The following F3 variants were observed in gnomAD, a reference collection of about 807,000 sequenced individuals.
F3 encodes coagulation factor III, tissue factor, also known as tissue factor.
A neutral mutation model predicts 33.5 loss-of-function variants in F3; 18 were observed. The observed-to-expected ratio is 0.54, with a 90% CI of 0.37 to 0.80. F3 has a LOEUF of 0.80. F3 is among the 30% of genes least tolerant of loss of function. The pLI is 0.00. For missense variants in F3, 353 were observed against 362.1 expected, an observed-to-expected ratio of 0.97 and a Z score of 0.20; for synonymous variants, 147 against 140.7, an observed-to-expected ratio of 1.05 and a Z score of -0.32.
intron 1 of F3, chr1:94,541,110 T>C (rs929739504): frequency 6.3e-6 from 1 of 159,174 alleles, no homozygotes; most frequent in African/African-American, 2.4e-5. Flanking sequence ...CGCTCTTTAT[T>C]AAGGGAAGAT....
chr1:94,532,222 A>G (rs1158247061), intron 5 of F3, 99 bp downstream of exon 5: 1 of 1,186,750 alleles, frequency 8.4e-7, no homozygotes, highest in Non-Finnish European at 1.2e-6. Context: ...TGAATATTTA[A>G]CCAAGGAAGT....
rs1651385097 is a variant in F3 at position 94,530,468 on chromosome 1, C to T, written c.880G>A (p.Val294Ile). Reference sequence around the variant, plus strand: ...CTCCAACAGTGCTTCCTTTATGAAACATTCAGTGGGGAGTTCTCCTTCCAG... The same window carrying T: ...CTCCAACAGTGCTTCCTTTATGAAATATTCAGTGGGGAGTTCTCCTTCCAG... ...QSWKENSPLNVS is the reference protein window; with the variant it reads ...QSWKENSPLNIS The change falls in exon 6 of 6, where the codon GTT becomes ATT. Residue 294 changes from valine to isoleucine, a missense_variant. By Grantham distance (29) the Val-to-Ile change is conservative. Transcript: ENST00000334047. 2 of 1,614,136 alleles carry T rather than the reference C, an allele frequency of 1.2e-6. No homozygotes were observed. The highest frequency in any genetic ancestry group is 8.5e-7 in the Non-Finnish European group (1 of 1,180,044).
intron 2 of F3, among the ~76,000 whole-genome samples, chr1:94,538,232 A>T (rs906855295): frequency 6.6e-6 from 1 of 152,252 alleles, no homozygotes; most frequent in Non-Finnish European, 1.5e-5. Context: ...TGTTTTCCAG[A>T]AGCTTTGTAA....
intron 2 of F3, among the ~76,000 whole-genome samples, chr1:94,538,321 C>T (rs1651671757): frequency 1.3e-5 from 2 of 152,378 alleles, no homozygotes; most frequent in Non-Finnish European, 2.9e-5. Context: ...AAGCCAATAA[C>T]ATTTCCCAAC....
chr1:94,529,766 T>C lies in F3; in HGVS notation c.*694A>G, dbSNP rs1651359428. On this transcript the variant is annotated 3_prime_UTR_variant, in exon 6 of 6. Coordinates refer to ENST00000334047, the MANE Select transcript of F3 (RefSeq NM_001993.5). ...TTCCATTTTACTTTCCTACATGGAT[T>C]GAAGTCAGCCCCTCAAAAGCTTTTC... 2 of 152,160 alleles carry C rather than the reference T, an allele frequency of 1.3e-5. No individual in the cohort carries two copies. The highest frequency in any genetic ancestry group is 4.8e-5 in the African/African-American group (2 of 41,436). The allele number at this position is 152,160 out of a possible 1,614,324, so 9.4% of individuals were successfully genotyped here.
At chr1:94,533,412 C>T (rs950593815) in intron 3 of F3, 144 bp from the exon 4 acceptor site, 11 of 927,314 alleles carry the variant, frequency 1.2e-5, no homozygotes, top group Middle Eastern at 2.2e-4. Context: ...GCAGGCGTGG[C>T]GGCCTGGAGC....
Position 94,530,379 on chromosome 1 carries a change from C to T in F3, c.*81G>A, listed in dbSNP as rs1194992627. 34 of 1,556,640 alleles carry T rather than the reference C, an allele frequency of 2.2e-5. No individual in the cohort carries two copies. Among genetic ancestry groups the T allele is most frequent in the Non-Finnish European group, 2.8e-5 (32 of 1,143,868 alleles). On this transcript the variant is annotated 3_prime_UTR_variant, in exon 6 of 6. Transcript: ENST00000334047. ...CTTCATGCTCCGAAATACTCATTTG[C>T]GTTTCCATGTATTCTATCCTCTTAA...
At chr1:94,534,653 T>C (rs1651544661) in intron 3 of F3, among the ~76,000 whole-genome samples, 1 of 152,140 alleles carries the variant, frequency 6.6e-6, no homozygotes, top group African/African-American at 2.4e-5. Flanking sequence ...GAAATGTCCT[T>C]GGTACCTCGA....
Position 94,530,501 on chromosome 1 carries a change from C to G in F3, c.847G>C (p.Gly283Arg). The G allele has an allele frequency of 6.2e-7, 1 of 1,613,940 alleles. No homozygotes were observed. The highest frequency in any genetic ancestry group is 2.2e-5 in the East Asian group (1 of 44,882). Residue 283 changes from glycine to arginine, a missense_variant, in exon 6 of 6, where the codon GGG becomes CGG. Physicochemically the swap from Gly to Arg is moderately radical, Grantham distance 125. Coordinates refer to ENST00000334047, the MANE Select transcript of F3 (RefSeq NM_001993.5). ...GGGGAGTTCTCCTTCCAGCTCTGCCCCACTCCTGCCTTTCTACACTTGTGT... is the reference window on the plus strand; with the variant it reads ...GGGGAGTTCTCCTTCCAGCTCTGCCGCACTCCTGCCTTTCTACACTTGTGT... The part of the protein sequence containing the change: ...SLHKCRKAGV[G>R]QSWKENSPLN...
chr1:94,533,596 G>T (rs1651499430), intron 3 of F3, among the ~76,000 whole-genome samples: 1 of 152,118 alleles, frequency 6.6e-6, no homozygotes, highest in Non-Finnish European at 1.5e-5. Context: ...AACAACATGG[G>T]TTTGAACTCT....
chr1:94,538,348 T>C (rs898708549), intron 2 of F3, among the ~76,000 whole-genome samples: 5 of 152,236 alleles, frequency 3.3e-5, no homozygotes, highest in South Asian at 2.1e-4. Flanking sequence ...TGAAAACTGT[T>C]AGCAAAGGTG....
In F3 at chr1:94,533,230, C is replaced by T. The variant is rs772476024; in HGVS notation, c.451G>A (p.Val151Met). The T allele has an allele frequency of 1.9e-6, 3 of 1,613,416 alleles. No homozygotes were observed. The South Asian group carries it at 3.3e-5, about 18-fold the overall frequency. Residue 151 changes from valine (V) to methionine (M), a missense_variant, in exon 4 of 6, where the codon GTG becomes ATG. Val to Met is a conservative substitution (Grantham distance 21). Transcript: ENST00000334047. ...ACGGTCACATTCACTTTTGTTCCCA[C>T]CTGTTCAAAACTCTGAATTGTTGGC... Reference protein sequence around the residue: ...GQPTIQSFEQVGTKVNVTVED... With the variant: ...GQPTIQSFEQMGTKVNVTVED...
intron 5 of F3, among the ~76,000 whole-genome samples, chr1:94,531,550 T>C (rs1651426743): frequency 6.6e-6 from 1 of 152,138 alleles, no homozygotes; most frequent in African/African-American, 2.4e-5. Flanking sequence ...GATTTGCCTG[T>C]CTGGGCCTCC....
chr1:94,532,563 C>A, intron 4 of F3, 83 bp from the exon 5 acceptor site: 2 of 1,494,046 alleles, frequency 1.3e-6, no homozygotes, highest in Non-Finnish European at 9.1e-7. Context: ...AAGTAAAAAC[C>A]TAGGTTCTAA....
intron 3 of F3, among the ~76,000 whole-genome samples, chr1:94,535,526 T>C (rs980536442): frequency 6.6e-6 from 1 of 152,112 alleles, no homozygotes; most frequent in Admixed American, 6.5e-5. Context: ...ACCATGGACT[T>C]TCCTCATTGA....
intron 2 of F3, 104 bp downstream of exon 2, chr1:94,540,153 G>A (rs1334689842): frequency 1.0e-5 from 8 of 791,906 alleles, no homozygotes; most frequent in Admixed American, 2.5e-5. Flanking sequence ...TTCGTCATCT[G>A]TTAAATAATT....
Position 94,533,660 on chromosome 1 carries a change from G to A in F3, c.413-392C>T, listed in dbSNP as rs930960673. On this transcript the variant is annotated intron_variant, in intron 3 of 5. Coordinates refer to ENST00000334047, the MANE Select transcript of F3 (RefSeq NM_001993.5). The stretch of plus-strand genomic sequence containing the variant: ...AAATAAAAGTTACACCAAGTGTGCC[G>A]CCTCCTACTTCCTCCATCTTTTCTC... 1.6e-4 allele frequency among the ~76,000 whole-genome samples: 24 copies of A among 152,038 alleles called. No individual in the cohort carries two copies. The South Asian group carries it at 1.7e-3, about 11-fold the overall frequency.
chr1:94,540,367 G>T lies in F3; in HGVS notation c.102C>A (p.Gly34=). The change falls in exon 2 of 6, where the codon GGC becomes GGA. Residue 34 remains glycine (G), a splice_region_variant and synonymous_variant. Coordinates refer to ENST00000334047, the MANE Select transcript of F3 (RefSeq NM_001993.5). ...TATATGCTGCCACAGTATTTGTAGTGCCTTTAAACAACAGAGAAACAGCTA... is the reference window on the plus strand; with the variant it reads ...TATATGCTGCCACAGTATTTGTAGTTCCTTTAAACAACAGAGAAACAGCTA... ...WVFAQVAGAS[G]TTNTVAAYNL... is the part of the protein sequence containing the mutation. The T allele has an allele frequency of 6.2e-7, 1 of 1,604,662 alleles. No individual in the cohort carries two copies. The highest frequency in any genetic ancestry group is 8.5e-7 in the Non-Finnish European group (1 of 1,172,192).
chr1:94,535,908 G>T, intron 3 of F3, 57 bp downstream of exon 3: 1 of 1,512,596 alleles, frequency 6.6e-7, no homozygotes, highest in Non-Finnish European at 9.1e-7. Context: ...ACAAGATCAC[G>T]AGAATGTTCA....
Sources: allele counts gnomAD v4.1 joint callset (sites outside exome capture counted in the v4.1 genomes callset), GRCh38; gene constraint gnomAD v4.1.1; transcripts MANE v1.5; gene names NCBI Gene and HGNC (gene_info 2026-07-23, HGNC 2026-07-21).